Variants in ANKS3 observed in about 807,000 individuals in gnomAD.
The protein encoded by ANKS3 is ankyrin repeat and SAM domain-containing protein 3.
In ANKS3, 62 loss-of-function variants were observed where a neutral mutation model predicts 80.7. That is an observed-to-expected ratio of 0.77 (90% CI 0.63 to 0.95). The LOEUF (loss-of-function observed/expected upper bound fraction) is 0.95. ANKS3 is among the 40% of genes least tolerant of loss of function. The probability of loss-of-function intolerance (pLI) is 0.00; values close to 1 mark genes in which losing one functional copy is unlikely to be tolerated. For synonymous variants in ANKS3, 489 were observed against 355.3 expected, an observed-to-expected ratio of 1.38 and a Z score of -4.23; for missense variants, 1,150 against 883.6, an observed-to-expected ratio of 1.30 and a Z score of -3.82.
At position 4,721,579 on chromosome 16, in the gene ANKS3, C is replaced by G. The variant is rs1010250352; in HGVS notation, c.573+3171G>C. On this transcript the variant is annotated intron_variant, in intron 6 of 17. Transcript: ENST00000304283. ...TGAGCTGAGACTGCACCACTCCACT[C>G]CAGCCTGAGGGACAGAGCAAGACCC... is the stretch of plus-strand genomic sequence containing the variant. 1.5e-4 allele frequency among the ~76,000 whole-genome samples: 22 copies of G among 151,428 alleles called. 1 individual carries two copies. In the South Asian group the frequency reaches 3.1e-3, roughly 22 times the overall value.
At chr16:4,719,932 G>A (rs1490190274) in intron 6 of ANKS3, among the ~76,000 whole-genome samples, 2 of 151,474 alleles carry the variant, frequency 1.3e-5, no homozygotes, top group Non-Finnish European at 2.9e-5. Context: ...GGGAGGCTGA[G>A]GCAGACAGAT....
chr16:4,711,154 A>C (rs541519256), intron 7 of ANKS3, among the ~76,000 whole-genome samples: 332 of 131,840 alleles, frequency 2.5e-3, no homozygotes, highest in Non-Finnish European at 3.8e-3. Flanking sequence ...CCTAGGCTGG[A>C]CTGCAATGGC....
Position 4,730,078 on chromosome 16 carries a change from G to C in ANKS3, c.72C>G (p.Leu24=). 5.6e-6 allele frequency: 9 copies of C among 1,594,212 alleles called. No homozygotes were observed. The highest frequency in any genetic ancestry group is 6.8e-6 in the Non-Finnish European group (8 of 1,168,786). Residue 24 remains leucine, a synonymous_variant, in exon 3 of 18, where the codon CTC becomes CTG. Transcript: ENST00000304283. Reference sequence around the variant, plus strand: ...GCTCCTCCCCGCTGACCTGTGTCCCGAGCCCGTGCCACATGGACAAGCTGC... The same window carrying C: ...GCTCCTCCCCGCTGACCTGTGTCCCCAGCCCGTGCCACATGGACAAGCTGC... ...LNRSLSMWHG[L]GTQVSGEELD... is the part of the protein sequence containing the mutation.
chr16:4,709,170 G>A (rs2080356318), intron 7 of ANKS3, among the ~76,000 whole-genome samples: 1 of 151,876 alleles, frequency 6.6e-6, no homozygotes, highest in African/African-American at 2.4e-5. Context: ...ACTTTGGGAG[G>A]CCGAGTCGGG....
In ANKS3 at chr16:4,733,956, C is replaced by A. The variant is rs2081810176; in HGVS notation, c.-89G>T. 8 of 985,400 alleles carry A rather than the reference C, an allele frequency of 8.1e-6. No individual in the cohort carries two copies. The highest frequency in any genetic ancestry group is 9.6e-6 in the Non-Finnish European group (8 of 829,996). The allele number at this position is 985,400 out of a possible 1,614,324, so 61.0% of individuals were successfully genotyped here. A position where few individuals can be genotyped will look rare whatever the true frequency, so the allele number is the denominator to read the frequency against. On this transcript the variant is annotated 5_prime_UTR_variant, in exon 1 of 18. Transcript: ENST00000304283. ...AACTCACAGCAGTGACGCTTCCCGA[C>A]GCCCCCCGGCCACATCCCCACAGGA...
chr16:4,699,583 G>A, intron 11 of ANKS3: 1 of 217,888 alleles, frequency 4.6e-6, no homozygotes, highest in Non-Finnish European at 9.4e-6. Flanking sequence ...TCACCTGTCT[G>A]GAGTTCACCG....
chr16:4,711,354 C>T (rs539777754), intron 7 of ANKS3, among the ~76,000 whole-genome samples: 44 of 151,724 alleles, frequency 2.9e-4, no homozygotes, highest in Non-Finnish European at 5.3e-4. Context: ...CCGCCCAACT[C>T]GGCCTTCCAA....
Position 4,717,819 on chromosome 16 carries a change from G to A in ANKS3, c.574-3633C>T, listed in dbSNP as rs533463883. Reference sequence around the variant, plus strand: ...ACAACTGGCTTTTTTTTTTTGAGACGGAGTCTCACTCTGTCACCCAGGCTG... The same window carrying A: ...ACAACTGGCTTTTTTTTTTTGAGACAGAGTCTCACTCTGTCACCCAGGCTG... On this transcript the variant is annotated intron_variant, in intron 6 of 17. Transcript: ENST00000304283. Among the ~76,000 whole-genome samples the A allele has an allele frequency of 8.0e-5, 12 of 150,606 alleles. No individual in the cohort carries two copies. In the South Asian group the frequency reaches 1.7e-3, roughly 21 times the overall value.
In ANKS3 at chr16:4,698,987, G is replaced by A. The variant is rs201848967; in HGVS notation, c.1410-46C>T. The A allele has an allele frequency of 4.8e-3, 7,735 of 1,613,800 alleles. 30 individuals carry two copies. Among genetic ancestry groups the A allele is most frequent in the South Asian group, 7.4e-3 (673 of 91,082 alleles). ...GGATATGCCTCAGCGTCCCAAGAGC[G>A]CTTACATGAGTGGGAGTTTGCCCCA... On this transcript the variant is annotated intron_variant, in intron 12 of 17. Transcript: ENST00000304283.
At chr16:4,723,525 C>T (rs1336735918) in intron 6 of ANKS3, among the ~76,000 whole-genome samples, 2 of 152,188 alleles carry the variant, frequency 1.3e-5, no homozygotes, top group South Asian at 2.1e-4. Flanking sequence ...AGGGCTGAAG[C>T]GACCCTCTGG....
At chr16:4,701,177 T>A (rs757869867) in intron 10 of ANKS3, 43 bp from the exon 11 acceptor site, 3 of 1,610,384 alleles carry the variant, frequency 1.9e-6, no homozygotes, top group Non-Finnish European at 2.5e-6. Context: ...GCGGGCTAAC[T>A]TGAGAGCCTT....
rs754447800 is a variant in ANKS3 at position 4,724,741 on chromosome 16, G to A, written c.573+9C>T. The A allele has an allele frequency of 7.5e-5, 121 of 1,610,894 alleles. No individual in the cohort carries two copies. Among genetic ancestry groups the A allele is most frequent in the Non-Finnish European group, 9.8e-5 (115 of 1,177,924 alleles). ...ACTACATTACATGCTAATAATCAGG[G>A]TCACTTACGTGATTCAGAAAATACT... On this transcript the variant is annotated intron_variant, in intron 6 of 17. Transcript: ENST00000304283.
intron 6 of ANKS3, chr16:4,714,395 G>A: frequency 4.5e-6 from 3 of 669,200 alleles, no homozygotes; most frequent in South Asian, 4.0e-5. Context: ...ACAAGGATGA[G>A]GAGGGCTGGG....
chr16:4,697,671 G>A (rs2079645144), intron 15 of ANKS3, among the ~76,000 whole-genome samples: 3 of 152,212 alleles, frequency 2.0e-5, no homozygotes, highest in Admixed American at 2.0e-4. Flanking sequence ...ACCCGGGTCT[G>A]GGCCCTGGCT....
At chr16:4,726,503 T>C (rs2081360577) in intron 5 of ANKS3, among the ~76,000 whole-genome samples, 156 bp downstream of exon 5, 1 of 152,244 alleles carries the variant, frequency 6.6e-6, no homozygotes, top group Admixed American at 6.5e-5. Flanking sequence ...CGAAAAGGCC[T>C]GTGCCTGGAA....
At chr16:4,733,425 G>A (rs2142187490) in intron 1 of ANKS3, among the ~76,000 whole-genome samples, 1 of 152,112 alleles carries the variant, frequency 6.6e-6, no homozygotes, top group African/African-American at 2.4e-5. Context: ...CCGAGTAGCT[G>A]AGATTACAGG....
chr16:4,709,895 C>T (rs1190567322), intron 7 of ANKS3, among the ~76,000 whole-genome samples: 2 of 152,100 alleles, frequency 1.3e-5, no homozygotes, highest in Non-Finnish European at 2.9e-5. Context: ...CCTGTAGTGC[C>T]AGCTACTCGG....
intron 11 of ANKS3, chr16:4,700,092 GC>G (rs2079817176): frequency 6.6e-6 from 1 of 152,652 alleles, no homozygotes; most frequent in East Asian, 1.9e-4. Flanking sequence ...GAACAGCAAA[GC>G]CAGTGCTTTA....
At position 4,730,017 on chromosome 16, in the gene ANKS3, T is replaced by G; in HGVS notation, c.133A>C (p.Ile45Leu). 1 of 1,567,644 alleles carries G rather than the reference T, an allele frequency of 6.4e-7. No individual in the cohort carries two copies. Among genetic ancestry groups the G allele is most frequent in the Non-Finnish European group, 8.7e-7 (1 of 1,152,066 alleles). ...VPLDLHTAAS[I>L]GQYEVVKECV... ...TCCTTCACCACTTCATACTGGCCAA[T>G]GGAAGCAGCTGTGTGAAGATCCAGG... Residue 45 changes from isoleucine (I) to leucine (L), a missense_variant, in exon 3 of 18, where the codon ATT becomes CTT. Ile to Leu is a conservative substitution (Grantham distance 5). Coordinates refer to ENST00000304283, the MANE Select transcript of ANKS3 (RefSeq NM_133450.4).
Sources: allele counts gnomAD v4.1 joint callset (sites outside exome capture counted in the v4.1 genomes callset), GRCh38; gene constraint gnomAD v4.1.1; transcripts MANE v1.5; gene names NCBI Gene and HGNC (gene_info 2026-07-23, HGNC 2026-07-21).